MARCO: variants seen among roughly 807,000 people sequenced by gnomAD.
The protein encoded by MARCO is macrophage receptor MARCO.
In MARCO, 72 loss-of-function variants were observed where a neutral mutation model predicts 70.0. The ratio of observed to expected loss-of-function variants is 1.03; its 90% CI spans 0.85 to 1.25. The LOEUF (loss-of-function observed/expected upper bound fraction) is 1.25, where lower values mean the gene tolerates loss of function less well. Among genes scored for constraint, MARCO ranks in the 50% most tolerant of loss-of-function variants. The pLI is 0.00. For missense variants in MARCO, 696 were observed against 659.3 expected (o/e 1.06, Z -0.61); for synonymous variants, 273 against 243.1 (o/e 1.12, Z -1.14).
intron 1 of MARCO, among the ~76,000 whole-genome samples, chr2:118,943,075 G>A (rs998273986): frequency 6.6e-6 from 1 of 152,170 alleles, no homozygotes; most frequent in Non-Finnish European, 1.5e-5. Context: ...TGATTTCCTA[G>A]TCTAGAACGT....
At position 118,977,410 on chromosome 2, in the gene MARCO, T is replaced by A; in HGVS notation, c.614-61T>A. On this transcript the variant is annotated intron_variant, in intron 6 of 16. Transcript: ENST00000327097. ...TAAGGGAATCTAGAATGTCAGCTGA[T>A]TAAAGACATTTTAGACATTCTCAGG... 3 of 1,335,604 alleles carry A rather than the reference T, an allele frequency of 2.2e-6. No homozygotes were observed. The South Asian group carries it at 3.5e-5, about 16-fold the overall frequency. 82.7% of individuals were successfully genotyped at this position (1,335,604 alleles called of 1,614,324 possible).
Position 118,969,206 on chromosome 2 carries a change from G to A in MARCO, c.144G>A (p.Val48=), listed in dbSNP as rs778554021. The part of the protein sequence containing the change: ...RRNGVNFSLA[V]VVIYLILLTA... ...ATGGGGTGAACTTCTCCCTAGCTGTGGTGGTCATCTACCTGATCCTGCTCA... is the reference window on the plus strand; with the variant it reads ...ATGGGGTGAACTTCTCCCTAGCTGTAGTGGTCATCTACCTGATCCTGCTCA... Residue 48 remains valine (V), a synonymous_variant, in exon 2 of 17, where the codon GTG becomes GTA. Coordinates refer to ENST00000327097, the MANE Select transcript of MARCO (RefSeq NM_006770.4). 6.8e-6 allele frequency: 11 copies of A among 1,614,208 alleles called. No individual in the cohort carries two copies. The highest frequency in any genetic ancestry group is 1.7e-5 in the Admixed American group (1 of 60,034).
intron 1 of MARCO, among the ~76,000 whole-genome samples, chr2:118,944,369 G>T (rs574199035): frequency 6.6e-6 from 1 of 152,244 alleles, no homozygotes; most frequent in African/African-American, 2.4e-5. Flanking sequence ...AAACTTTCTA[G>T]AAGAGTGCCA....
chr2:118,990,558 C>A, intron 12 of MARCO, 31 bp from the exon 13 acceptor site: 2 of 1,562,502 alleles, frequency 1.3e-6, no homozygotes, highest in Non-Finnish European at 1.7e-6. Flanking sequence ...TTATTATCTC[C>A]TCCCCCCCCC....
intron 15 of MARCO, 68 bp downstream of exon 15, chr2:118,992,544 G>A: frequency 7.5e-7 from 1 of 1,336,710 alleles, no homozygotes; most frequent in Non-Finnish European, 1.1e-6. Context: ...AATTGTGTGT[G>A]TTGGGGGAAG....
At chr2:118,965,166 A>C (rs1680021466) in intron 1 of MARCO, among the ~76,000 whole-genome samples, 1 of 152,160 alleles carries the variant, frequency 6.6e-6, no homozygotes, top group African/African-American at 2.4e-5. Flanking sequence ...TTTTCTAGGA[A>C]TTAAATGATA....
At chr2:118,955,882 C>T (rs1051466604) in intron 1 of MARCO, among the ~76,000 whole-genome samples, 1 of 152,188 alleles carries the variant, frequency 6.6e-6, no homozygotes, top group East Asian at 1.9e-4. Context: ...AAGACACAGT[C>T]ATTTTCTGCC....
rs1558674853 is a variant in MARCO, at chr2:118,992,477, G to C, written c.1252+1G>C. 6.2e-7 allele frequency: 1 copy of C among 1,610,640 alleles called. No homozygotes were observed. Among genetic ancestry groups the C allele is most frequent in the Non-Finnish European group, 8.5e-7 (1 of 1,176,800 alleles). On this transcript the variant is annotated splice_donor_variant, in intron 15 of 16. Coordinates refer to ENST00000327097, the MANE Select transcript of MARCO (RefSeq NM_006770.4). LOFTEE classifies it high-confidence loss of function. Reference sequence around the variant, plus strand: ...GTAAAGGGAGAAAAAGGTGAAAGAGGTAATCACTATTTATATTATCTTTAA... The same window carrying C: ...GTAAAGGGAGAAAAAGGTGAAAGAGCTAATCACTATTTATATTATCTTTAA...
At chr2:118,968,962 G>C (rs1046388962) in intron 1 of MARCO, among the ~76,000 whole-genome samples, 198 bp from the exon 2 acceptor site, 1 of 152,252 alleles carries the variant, frequency 6.6e-6, no homozygotes, top group African/African-American at 2.4e-5. Flanking sequence ...ACACAGATGA[G>C]TGACCAACAG....
chr2:118,993,097 C>G, intron 15 of MARCO, 27 bp from the exon 16 acceptor site: 1 of 1,611,600 alleles, frequency 6.2e-7, no homozygotes, highest in Non-Finnish European at 8.5e-7. Flanking sequence ...CCTTCCTTGC[C>G]TCTCCCATGT....
intron 1 of MARCO, among the ~76,000 whole-genome samples, chr2:118,963,153 T>C (rs894636484): frequency 4.0e-5 from 6 of 151,664 alleles, no homozygotes; most frequent in Non-Finnish European, 7.4e-5. Flanking sequence ...AGTTATTTTG[T>C]TCTTTTCTAA....
chr2:118,970,352 C>T lies in MARCO; in HGVS notation c.424+14C>T. On this transcript the variant is annotated intron_variant, in intron 3 of 16. Transcript: ENST00000327097. ...CTCAGAACCCAGGTTTGGCCTCCTC[C>T]CCTCTGGGTCAGGACTTCTCAACAG... The T allele has an allele frequency of 6.3e-7, 1 of 1,590,226 alleles. No homozygotes were observed. The highest frequency in any genetic ancestry group is 8.6e-7 in the Non-Finnish European group (1 of 1,163,676).
intron 1 of MARCO, among the ~76,000 whole-genome samples, chr2:118,968,563 G>A (rs150039261): frequency 3.3e-5 from 5 of 152,266 alleles, no homozygotes; most frequent in South Asian, 2.1e-4. Flanking sequence ...TTATCTCATC[G>A]GGTTAGGACC....
At chr2:118,965,583 A>AT (rs1680029465) in intron 1 of MARCO, among the ~76,000 whole-genome samples, 1 of 151,860 alleles carries the variant, frequency 6.6e-6, no homozygotes. Context: ...CTGAGTTGTG[A>AT]TTTTCTCTAT....
At chr2:118,993,927 C>T (rs1015067400) in intron 16 of MARCO, among the ~76,000 whole-genome samples, 2 of 152,188 alleles carry the variant, frequency 1.3e-5, no homozygotes, top group Non-Finnish European at 2.9e-5. Flanking sequence ...CCCAGCAGGA[C>T]ATGAGGCCAG....
At chr2:118,969,913 C>T (rs375703051) in intron 2 of MARCO, among the ~76,000 whole-genome samples, 3 of 152,166 alleles carry the variant, frequency 2.0e-5, no homozygotes, top group South Asian at 2.1e-4. Flanking sequence ...GTTTTGTGGA[C>T]GTGCAATATC....
At chr2:118,949,200 G>T (rs1299717904) in intron 1 of MARCO, 7 of 152,178 alleles carry the variant, frequency 4.6e-5, no homozygotes, top group Non-Finnish European at 1.0e-4. Context: ...TTGAAAAAGA[G>T]CTACCATGCA....
intron 2 of MARCO, among the ~76,000 whole-genome samples, chr2:118,969,722 G>T (rs1185403900): frequency 1.3e-5 from 2 of 152,214 alleles, no homozygotes; most frequent in African/African-American, 4.8e-5. Flanking sequence ...ATGAGCAGTT[G>T]TCATAAACAC....
rs921851549 is a variant in MARCO at position 118,992,363 on chromosome 2, A to C, written c.1208-69A>C. On this transcript the variant is annotated intron_variant, in intron 14 of 16. Transcript: ENST00000327097. ...CCAACCCTCCACCCGCTCCCCACTC[A>C]TGCAAATGCAGGCAAAGGCGTCCTG... is the stretch of plus-strand genomic sequence containing the variant. 2.1e-5 allele frequency: 28 copies of C among 1,330,648 alleles called. No homozygotes were observed. In the African/African-American group the frequency reaches 3.6e-4, roughly 17 times the overall value. 82.4% of individuals were successfully genotyped at this position (1,330,648 alleles called of 1,614,324 possible).
Sources: allele counts gnomAD v4.1 joint callset (sites outside exome capture counted in the v4.1 genomes callset), GRCh38; gene constraint gnomAD v4.1.1; transcripts MANE v1.5; gene names NCBI Gene and HGNC (gene_info 2026-07-23, HGNC 2026-07-21).